The following ZFPM2 variants were observed in gnomAD, a reference collection of about 807,000 sequenced individuals.
ZFPM2 encodes zinc finger protein, FOG family member 2.
Under a neutral mutation model 98.6 loss-of-function variants are expected in ZFPM2, and 20 were observed. That is an observed-to-expected ratio of 0.20 (90% CI 0.14 to 0.29). The LOEUF (loss-of-function observed/expected upper bound fraction) is 0.29, where lower values mean the gene tolerates loss of function less well. Ranked by LOEUF, ZFPM2 falls within the 10% of genes least tolerant of loss-of-function variation. ZFPM2 has a pLI of 1.00. For missense variants in ZFPM2, 1,310 were observed against 1,388.6 expected, an observed-to-expected ratio of 0.94 and a Z score of 0.90; for synonymous variants, 518 against 502.7, an observed-to-expected ratio of 1.03 and a Z score of -0.41.
chr8:105,574,440 T>C (rs1016574844), intron 4 of ZFPM2, among the ~76,000 whole-genome samples: 2 of 152,204 alleles, frequency 1.3e-5, no homozygotes, highest in African/African-American at 4.8e-5. Context: ...AGGTGTGTGA[T>C]TGGGGATTTC....
rs1812033805 is a variant in ZFPM2, at chr8:105,734,976, T to C, written c.533-53742T>C. The stretch of plus-strand genomic sequence containing the variant: ...CTGCAGTTTTAACCATTAAGGCATA[T>C]TACAAATTTATATATACTTCATTAA... On this transcript the variant is annotated intron_variant, in intron 5 of 7. Transcript: ENST00000407775. Among the ~76,000 whole-genome samples the C allele has an allele frequency of 8.6e-5, 13 of 150,612 alleles. No homozygotes were observed. The South Asian group carries it at 2.7e-3, about 31-fold the overall frequency.
At chr8:105,408,893 G>C (rs1013934319) in intron 1 of ZFPM2, among the ~76,000 whole-genome samples, 1 of 151,900 alleles carries the variant, frequency 6.6e-6, no homozygotes, top group Non-Finnish European at 1.5e-5. Flanking sequence ...GTGGTGCTAA[G>C]ACATGTCATT....
In ZFPM2 at chr8:105,801,660, G is replaced by A; in HGVS notation, c.1578G>A (p.Arg526=). The A allele has an allele frequency of 6.2e-7, 1 of 1,613,562 alleles. No homozygotes were observed. Among genetic ancestry groups the A allele is most frequent in the Non-Finnish European group, 8.5e-7 (1 of 1,179,866 alleles). ...ILAKMSELVH[R]RLRHGSSSYP... is the part of the protein sequence containing the mutation. ...CTAAGATGTCTGAACTGGTGCATCGGCGACTGAGGCATGGCAGTAGTAGCT... is the reference window on the plus strand; with the variant it reads ...CTAAGATGTCTGAACTGGTGCATCGACGACTGAGGCATGGCAGTAGTAGCT... The change falls in exon 8 of 8, where the codon CGG becomes CGA. Residue 526 remains arginine (R), a synonymous_variant. Transcript: ENST00000407775.
chr8:105,597,910 G>A (rs1816004522), intron 4 of ZFPM2, among the ~76,000 whole-genome samples: 1 of 152,064 alleles, frequency 6.6e-6, no homozygotes, highest in Non-Finnish European at 1.5e-5. Context: ...AATAGATATT[G>A]CAGGTGTGAG....
At chr8:105,429,289 G>C (rs1303692570) in intron 2 of ZFPM2, among the ~76,000 whole-genome samples, 1 of 151,884 alleles carries the variant, frequency 6.6e-6, no homozygotes, top group Non-Finnish European at 1.5e-5. Flanking sequence ...CCTGTTTCTG[G>C]TCAGCATGGA....
At chr8:105,482,370 G>C (rs1231255494) in intron 3 of ZFPM2, among the ~76,000 whole-genome samples, 3 of 151,960 alleles carry the variant, frequency 2.0e-5, no homozygotes, top group African/African-American at 7.3e-5. Flanking sequence ...GTAGCATACA[G>C]GCAGATTTTT....
intron 3 of ZFPM2, among the ~76,000 whole-genome samples, chr8:105,503,232 CTA>C (rs1263434786): frequency 6.6e-6 from 1 of 152,086 alleles, no homozygotes; most frequent in African/African-American, 2.4e-5. Flanking sequence ...TTCATAAACT[CTA>C]TAGAAACCAC....
chr8:105,666,670 T>C (rs1454626586), intron 5 of ZFPM2, among the ~76,000 whole-genome samples: 1 of 152,206 alleles, frequency 6.6e-6, no homozygotes, highest in Non-Finnish European at 1.5e-5. Context: ...CTAAGAGGTT[T>C]TTTGCCTTTT....
At chr8:105,794,132 T>A (rs1214613844) in intron 6 of ZFPM2, among the ~76,000 whole-genome samples, 1 of 152,220 alleles carries the variant, frequency 6.6e-6, no homozygotes, top group Non-Finnish European at 1.5e-5. Flanking sequence ...TGTGATCCTT[T>A]GGAGGAGGAG....
intron 3 of ZFPM2, among the ~76,000 whole-genome samples, chr8:105,538,146 C>T (rs1314064216): frequency 2.0e-5 from 3 of 151,916 alleles, no homozygotes; most frequent in African/African-American, 4.8e-5. Flanking sequence ...GAAAGAGTGT[C>T]GTTTGGTACA....
chr8:105,659,866 G>T (rs1018748954), intron 5 of ZFPM2, among the ~76,000 whole-genome samples: 2 of 151,976 alleles, frequency 1.3e-5, no homozygotes, highest in Admixed American at 1.3e-4. Flanking sequence ...AAGAGATTAC[G>T]GATAAATAAT....
chr8:105,757,492 A>C (rs1586242831), intron 5 of ZFPM2, among the ~76,000 whole-genome samples: 1 of 152,320 alleles, frequency 6.6e-6, no homozygotes, highest in East Asian at 1.9e-4. Context: ...CATATTAAAA[A>C]TTTGCTTCCA....
chr8:105,390,945 A>G (rs1811094908), intron 1 of ZFPM2, among the ~76,000 whole-genome samples: 1 of 152,194 alleles, frequency 6.6e-6, no homozygotes, highest in Non-Finnish European at 1.5e-5. Context: ...GAAACACATG[A>G]ATGCAGGGTA....
rs1159937571 is a variant in ZFPM2, at chr8:105,318,990, G to A, written c.40+9G>A. 3.4e-6 allele frequency: 5 copies of A among 1,492,074 alleles called. No individual in the cohort carries two copies. In the South Asian group the frequency reaches 6.4e-5, roughly 19 times the overall value. The allele number at this position is 1,492,074 out of a possible 1,614,324, so 92.4% of individuals were successfully genotyped here. A position where few individuals can be genotyped will look rare whatever the true frequency, so the allele number is the denominator to read the frequency against. ...ACCCCGGCAGATCAAACGTAAGTTTGCGCGCGGGGCCGGGAGTTGGTGGGA... is the reference window on the plus strand; with the variant it reads ...ACCCCGGCAGATCAAACGTAAGTTTACGCGCGGGGCCGGGAGTTGGTGGGA... On this transcript the variant is annotated intron_variant, in intron 1 of 7. Transcript: ENST00000407775.
chr8:105,387,262 G>T (rs1811012118), intron 1 of ZFPM2: 1 of 154,102 alleles, frequency 6.5e-6, no homozygotes, highest in Admixed American at 6.5e-5. Flanking sequence ...GAGCCCAGCT[G>T]GCTTCACCCA....
chr8:105,614,983 A>G (rs1359756557), intron 4 of ZFPM2, among the ~76,000 whole-genome samples: 3 of 152,196 alleles, frequency 2.0e-5, no homozygotes, highest in Non-Finnish European at 4.4e-5. Context: ...AAACTAGTCT[A>G]GTGCAAAACT....
chr8:105,476,381 A>G (rs1457817397), intron 3 of ZFPM2, among the ~76,000 whole-genome samples: 1 of 152,170 alleles, frequency 6.6e-6, no homozygotes, highest in African/African-American at 2.4e-5. Flanking sequence ...GAACTAAGGA[A>G]TCTAGGTTGC....
intron 3 of ZFPM2, among the ~76,000 whole-genome samples, chr8:105,542,723 T>A (rs540723876): frequency 1.3e-5 from 2 of 152,186 alleles, no homozygotes; most frequent in Non-Finnish European, 2.9e-5. Flanking sequence ...ATTATTGAGA[T>A]AATTATGAAT....
chr8:105,707,717 G>A (rs1811296182), intron 5 of ZFPM2, among the ~76,000 whole-genome samples: 1 of 152,140 alleles, frequency 6.6e-6, no homozygotes, highest in Admixed American at 6.6e-5. Flanking sequence ...TTGTTTTGTA[G>A]CAACACTTTT....
Sources: allele counts gnomAD v4.1 joint callset (sites outside exome capture counted in the v4.1 genomes callset), GRCh38; gene constraint gnomAD v4.1.1; transcripts MANE v1.5; gene names NCBI Gene and HGNC (gene_info 2026-07-23, HGNC 2026-07-21).